AUTS2: variants seen among roughly 807,000 people sequenced by gnomAD.
The protein encoded by AUTS2 is activator of transcription and developmental regulator AUTS2, also known as autism susceptibility gene 2 protein.
In AUTS2, 17 loss-of-function variants were observed where a neutral mutation model predicts 112.4. The ratio of observed to expected loss-of-function variants is 0.15; its 90% CI spans 0.10 to 0.23. The LOEUF (loss-of-function observed/expected upper bound fraction) is 0.23, where lower values mean the gene tolerates loss of function less well. Ranked by LOEUF, AUTS2 falls within the 10% of genes least tolerant of loss-of-function variation. The pLI, the probability that AUTS2 is intolerant of heterozygous loss-of-function variation, is 1.00. For missense variants in AUTS2, 1,510 were observed against 1,701.6 expected (o/e 0.89, Z 1.98); for synonymous variants, 751 against 702.7 (o/e 1.07, Z -1.09).
At chr7:69,795,194 G>A (rs921733405) in intron 1 of AUTS2, among the ~76,000 whole-genome samples, 25 of 152,146 alleles carry the variant, frequency 1.6e-4, no homozygotes, top group African/African-American at 5.3e-4. Context: ...TCATTGCAAG[G>A]AAAATGTATC....
intron 2 of AUTS2, among the ~76,000 whole-genome samples, chr7:69,958,997 C>T (rs1463875982): frequency 6.6e-6 from 1 of 152,126 alleles, no homozygotes; most frequent in Non-Finnish European, 1.5e-5. Flanking sequence ...CACATTTCAC[C>T]TATGCAAAAG....
intron 5 of AUTS2, among the ~76,000 whole-genome samples, chr7:70,580,720 A>G (rs1025954248): frequency 6.6e-6 from 1 of 152,188 alleles, no homozygotes; most frequent in Non-Finnish European, 1.5e-5. Flanking sequence ...ACATGGGAAC[A>G]CTACAAACCT....
chr7:70,235,604 T>C (rs569667052), intron 4 of AUTS2, among the ~76,000 whole-genome samples: 2 of 152,156 alleles, frequency 1.3e-5, no homozygotes, highest in Admixed American at 6.6e-5. Flanking sequence ...TTGATAGATA[T>C]GAAAGCAGGA....
At chr7:70,337,493 G>T (rs761063076) in intron 4 of AUTS2, among the ~76,000 whole-genome samples, 1 of 152,140 alleles carries the variant, frequency 6.6e-6, no homozygotes. Flanking sequence ...TTTATGTAGC[G>T]TGCACTGTTC....
At chr7:70,272,773 C>G (rs1373795561) in intron 4 of AUTS2, among the ~76,000 whole-genome samples, 5 of 152,024 alleles carry the variant, frequency 3.3e-5, no homozygotes, top group Non-Finnish European at 7.4e-5. Flanking sequence ...TTAGGGAGGA[C>G]TGAGCCCCAG....
chr7:70,750,620 T>C (rs1268527268), intron 6 of AUTS2, among the ~76,000 whole-genome samples: 1 of 152,188 alleles, frequency 6.6e-6, no homozygotes, highest in Non-Finnish European at 1.5e-5. Flanking sequence ...TAGGCTGGTC[T>C]CAAACTCCTG....
In AUTS2 at chr7:70,558,704, A is replaced by G. The variant is rs75717050; in HGVS notation, c.690+122923A>G. On this transcript the variant is annotated intron_variant, in intron 5 of 18. Transcript: ENST00000342771. Reference sequence around the variant, plus strand: ...AAATATGTGAGGTGAAAATGTACTTATGAGAAAAATAGTTAAAAGTTTATT... The same window carrying G: ...AAATATGTGAGGTGAAAATGTACTTGTGAGAAAAATAGTTAAAAGTTTATT... Among the ~76,000 whole-genome samples the G allele has an allele frequency of 8.0e-3, 1,222 of 152,360 alleles. 22 individuals carry two copies. The highest frequency in any genetic ancestry group is 0.028 in the African/African-American group (1,175 of 41,580).
chr7:69,717,832 A>G (rs1378727215), intron 1 of AUTS2, among the ~76,000 whole-genome samples: 1 of 152,144 alleles, frequency 6.6e-6, no homozygotes, highest in African/African-American at 2.4e-5. Context: ...TAAATACAGA[A>G]GCTATACAGA....
At chr7:69,767,726 GC>G (rs1554365380) in intron 1 of AUTS2, among the ~76,000 whole-genome samples, 1 of 152,196 alleles carries the variant, frequency 6.6e-6, no homozygotes, top group Non-Finnish European at 1.5e-5. Flanking sequence ...GCGGATTCCA[GC>G]AGGTACATCC....
At chr7:70,118,478 G>C (rs1226817961) in intron 3 of AUTS2, 2 of 395,950 alleles carry the variant, frequency 5.1e-6, no homozygotes, top group Non-Finnish European at 8.5e-6. Context: ...GGAACTATTT[G>C]TTACCTTAGA....
intron 1 of AUTS2, among the ~76,000 whole-genome samples, chr7:69,837,358 G>A (rs539840536): frequency 1.3e-5 from 2 of 152,208 alleles, no homozygotes; most frequent in Non-Finnish European, 2.9e-5. Context: ...GCTCAGAGAG[G>A]TTAATTTGCC....
intron 5 of AUTS2, among the ~76,000 whole-genome samples, chr7:70,448,309 A>T (rs1015143868): frequency 1.3e-5 from 2 of 152,252 alleles, no homozygotes; most frequent in Admixed American, 1.3e-4. Context: ...AATTTATTCA[A>T]TAAGCCAGAC....
intron 5 of AUTS2, among the ~76,000 whole-genome samples, chr7:70,460,338 C>CTTTTTT (rs10537541): frequency 1.6e-4 from 6 of 38,218 alleles, no homozygotes; most frequent in East Asian, 2.3e-3. Context: ...ACAGCCTGGT[C>CTTTTTT]TTTTTTTTTT....
chr7:69,649,169 T>C (rs1400979601), intron 1 of AUTS2, among the ~76,000 whole-genome samples: 2 of 152,188 alleles, frequency 1.3e-5, no homozygotes, highest in East Asian at 3.8e-4. Flanking sequence ...CACTACACTT[T>C]GTCTCGGACC....
At position 70,741,668 on chromosome 7, in the gene AUTS2, G is replaced by A. The variant is rs192994915; in HGVS notation, c.743-21202G>A. 7.1e-3 allele frequency among the ~76,000 whole-genome samples: 1,055 copies of A among 148,898 alleles called. 14 individuals carry two copies. The highest frequency in any genetic ancestry group is 0.025 in the African/African-American group (1,010 of 40,320). On this transcript the variant is annotated intron_variant, in intron 6 of 18. Transcript: ENST00000342771. Reference sequence around the variant, plus strand: ...ATCGTGTCATTGCACTCCAGCCTGAGCAACAAGAGTGAAACTCTATCTCAA... The same window carrying A: ...ATCGTGTCATTGCACTCCAGCCTGAACAACAAGAGTGAAACTCTATCTCAA...
chr7:69,748,882 G>A (rs1787621200), intron 1 of AUTS2, among the ~76,000 whole-genome samples: 1 of 152,084 alleles, frequency 6.6e-6, no homozygotes, highest in Non-Finnish European at 1.5e-5. Context: ...TTTGCTTAGG[G>A]GTAAGTTTAT....
At chr7:69,952,724 T>C (rs1797073370) in intron 2 of AUTS2, among the ~76,000 whole-genome samples, 1 of 152,200 alleles carries the variant, frequency 6.6e-6, no homozygotes, top group Non-Finnish European at 1.5e-5. Context: ...AACAGGCATA[T>C]CTTCCTGCCT....
At position 70,790,108 on chromosome 7, in the gene AUTS2, G is replaced by A. The variant is rs766276304; in HGVS notation, c.2892G>A (p.Pro964=). ...GCACCTCGAGCCGGGAGGCCGAGCCGCGCAAGGGTGAGCCGGCCTACGAGA... is the reference window on the plus strand; with the variant it reads ...GCACCTCGAGCCGGGAGGCCGAGCCACGCAAGGGTGAGCCGGCCTACGAGA... ...PNSTSSREAE[P]RKGEPAYENP... The change falls in exon 19 of 19, where the codon CCG becomes CCA. Residue 964 remains proline (P), a synonymous_variant. Coordinates refer to ENST00000342771, the MANE Select transcript of AUTS2 (RefSeq NM_015570.4). This position sits in a 1 kb window ranked among gnomAD's most constrained non-coding sequence, Gnocchi z 7.6. The A allele has an allele frequency of 6.3e-6, 10 of 1,595,156 alleles. No homozygotes were observed. The highest frequency in any genetic ancestry group is 5.3e-5 in the Admixed American group (3 of 56,096).
At chr7:69,869,143 G>A (rs1479016063) in intron 1 of AUTS2, among the ~76,000 whole-genome samples, 5 of 152,146 alleles carry the variant, frequency 3.3e-5, no homozygotes, top group African/African-American at 9.7e-5. Flanking sequence ...TTACGCAAGC[G>A]AAATATTCTT....
Sources: gnomAD v4.1 joint callset for allele counts (sites outside exome capture counted in the v4.1 genomes callset) on GRCh38, gnomAD v4.1.1 for gene constraint, Gnocchi (gnomAD v3.1) non-coding constraint, MANE v1.5 for transcripts, NCBI Gene and HGNC (gene_info 2026-07-23, HGNC 2026-07-21) for gene names.